SSBP2: variants seen among roughly 807,000 people sequenced by gnomAD.
SSBP2 encodes the protein single-stranded DNA-binding protein 2.
Under a neutral mutation model 61.8 loss-of-function variants are expected in SSBP2, and 17 were observed. That is an observed-to-expected ratio of 0.28 (90% confidence interval 0.19 to 0.41). The LOEUF (loss-of-function observed/expected upper bound fraction) is 0.41. Ranked by LOEUF, SSBP2 falls within the 10% of genes least tolerant of loss-of-function variation. The pLI is 1.00. For missense variants in SSBP2, 310 were observed against 458.7 expected, an observed-to-expected ratio of 0.68 and a Z score of 2.96; for synonymous variants, 139 against 141.3, an observed-to-expected ratio of 0.98 and a Z score of 0.12.
At chr5:81,552,455 A>G (rs774240489) in intron 4 of SSBP2, among the ~76,000 whole-genome samples, 6 of 152,110 alleles carry the variant, frequency 3.9e-5, no homozygotes, top group Non-Finnish European at 8.8e-5. Flanking sequence ...CCTGACCAAC[A>G]TGGTAAAACC....
chr5:81,432,173 G>A (rs1035748377), intron 15 of SSBP2, among the ~76,000 whole-genome samples: 3 of 152,086 alleles, frequency 2.0e-5, no homozygotes, highest in African/African-American at 4.8e-5. Context: ...CATTCTCCCA[G>A]TGGGCACAAA....
chr5:81,545,702 G>A (rs1771679318), intron 4 of SSBP2, among the ~76,000 whole-genome samples: 1 of 152,150 alleles, frequency 6.6e-6, no homozygotes, highest in African/African-American at 2.4e-5. Context: ...GGTCAGCTTA[G>A]ACAAGTACTA....
At chr5:81,687,940 C>G (rs1752939534) in intron 1 of SSBP2, among the ~76,000 whole-genome samples, 1 of 152,118 alleles carries the variant, frequency 6.6e-6, no homozygotes, top group South Asian at 2.1e-4. Flanking sequence ...GCTGTAGTTG[C>G]TACAAGGAGG....
intron 5 of SSBP2, among the ~76,000 whole-genome samples, chr5:81,491,224 G>C (rs939619480): frequency 2.6e-5 from 4 of 152,122 alleles, no homozygotes; most frequent in African/African-American, 7.2e-5. Context: ...TCAAAATATA[G>C]TATCAATTTA....
chr5:81,513,725 G>A lies in SSBP2; in HGVS notation c.283-8C>T. The A allele has an allele frequency of 6.3e-7, 1 of 1,595,240 alleles. No homozygotes were observed. The highest frequency in any genetic ancestry group is 8.6e-7 in the Non-Finnish European group (1 of 1,165,204). On this transcript the variant is annotated splice_polypyrimidine_tract_variant and splice_region_variant and intron_variant, in intron 4 of 16. Coordinates refer to ENST00000320672, the MANE Select transcript of SSBP2 (RefSeq NM_012446.5). Reference sequence around the variant, plus strand: ...GGGAGCTGCTGCAGCACTCTGCAAAGAATAAAGGAGAAACAAACCTATATC... The same window carrying A: ...GGGAGCTGCTGCAGCACTCTGCAAAAAATAAAGGAGAAACAAACCTATATC...
chr5:81,702,935 C>A (rs1581382434), intron 1 of SSBP2, among the ~76,000 whole-genome samples: 1 of 152,230 alleles, frequency 6.6e-6, no homozygotes, highest in East Asian at 1.9e-4. Flanking sequence ...TTAATGTACT[C>A]AAGCTCCAAC....
chr5:81,544,207 C>T (rs1040311321), intron 4 of SSBP2, among the ~76,000 whole-genome samples: 17 of 152,136 alleles, frequency 1.1e-4, no homozygotes, highest in African/African-American at 4.1e-4. Flanking sequence ...TGCCACCACG[C>T]CCGGCTAATT....
chr5:81,490,228 A>C (rs886595138), intron 5 of SSBP2, among the ~76,000 whole-genome samples: 1 of 152,134 alleles, frequency 6.6e-6, no homozygotes, highest in African/African-American at 2.4e-5. Context: ...AATTGTCTGA[A>C]AAGTATCCTA....
At chr5:81,536,999 G>T (rs1185791723) in intron 4 of SSBP2, among the ~76,000 whole-genome samples, 1 of 80,184 alleles carries the variant, frequency 1.2e-5, no homozygotes, top group Non-Finnish European at 2.4e-5. Flanking sequence ...GCAAGACTCT[G>T]TCTCAAAAAA....
intron 16 of SSBP2, among the ~76,000 whole-genome samples, chr5:81,422,749 A>C (rs1320015049): frequency 2.0e-5 from 3 of 151,272 alleles, no homozygotes; most frequent in African/African-American, 7.4e-5. Context: ...ATAGCAGCAG[A>C]AAAGCAAAGC....
chr5:81,603,536 T>C (rs147187250), intron 4 of SSBP2, among the ~76,000 whole-genome samples: 236 of 152,284 alleles, frequency 1.5e-3, no homozygotes, highest in Non-Finnish European at 2.5e-3. Flanking sequence ...CAGAAGAGCA[T>C]GTTGCATGGC....
intron 2 of SSBP2, among the ~76,000 whole-genome samples, chr5:81,648,839 A>C (rs1454564838): frequency 6.6e-6 from 1 of 152,074 alleles, no homozygotes; most frequent in Non-Finnish European, 1.5e-5. Context: ...TAAAAAGAAA[A>C]GGTAAAATTA....
At chr5:81,750,344 A>T (rs1312829627) in intron 1 of SSBP2, among the ~76,000 whole-genome samples, 2 of 141,212 alleles carry the variant, frequency 1.4e-5, no homozygotes, top group African/African-American at 5.2e-5. Context: ...CAACCCGCAC[A>T]CGCCCTCCGC....
At chr5:81,715,377 TAA>T (rs1755105828) in intron 1 of SSBP2, among the ~76,000 whole-genome samples, 2 of 152,064 alleles carry the variant, frequency 1.3e-5, no homozygotes, top group South Asian at 4.2e-4. Context: ...CTAAGGAAAA[TAA>T]AGAGTCCAAG....
At chr5:81,603,896 T>A (rs948824192) in intron 4 of SSBP2, among the ~76,000 whole-genome samples, 1 of 152,144 alleles carries the variant, frequency 6.6e-6, no homozygotes, top group Non-Finnish European at 1.5e-5. Flanking sequence ...TTCTGAATAG[T>A]TTAGTGTTTC....
chr5:81,496,281 G>C (rs1196341361), intron 5 of SSBP2, among the ~76,000 whole-genome samples: 2 of 152,086 alleles, frequency 1.3e-5, no homozygotes, highest in Non-Finnish European at 2.9e-5. Flanking sequence ...CTGAGTTCAA[G>C]TGATTCTCCT....
chr5:81,543,540 C>G (rs1395163929), intron 4 of SSBP2, among the ~76,000 whole-genome samples: 1 of 152,078 alleles, frequency 6.6e-6, no homozygotes, highest in Non-Finnish European at 1.5e-5. Flanking sequence ...TTGAAAAACT[C>G]ACTATTGGGT....
intron 4 of SSBP2, among the ~76,000 whole-genome samples, chr5:81,585,585 TTTCATAAATG>T (rs1162247829): frequency 1.3e-5 from 2 of 152,104 alleles, no homozygotes; most frequent in African/African-American, 2.4e-5. Context: ...TACAGCATAT[TTTCATAAATG>T]TATACACTAT....
rs145574979 is a variant in SSBP2, at chr5:81,672,534, G to A, written c.63-22195C>T. On this transcript the variant is annotated intron_variant, in intron 1 of 16. Coordinates refer to ENST00000320672, the MANE Select transcript of SSBP2 (RefSeq NM_012446.5). ...GACAAGGGAAGAAAAGATTAAACAC[G>A]ACATATGCTTCAACTAAATTAATCT... Among the ~76,000 whole-genome samples, 532 of 151,138 alleles carry A rather than the reference G, an allele frequency of 3.5e-3. 4 individuals are homozygous for A. The highest frequency in any genetic ancestry group is 0.012 in the African/African-American group (494 of 41,272).
Sources: gnomAD v4.1 joint callset for allele counts (sites outside exome capture counted in the v4.1 genomes callset) on GRCh38, gnomAD v4.1.1 for gene constraint, MANE v1.5 for transcripts, NCBI Gene and HGNC (gene_info 2026-07-23, HGNC 2026-07-21) for gene names.